The following DOCK3 variants were observed in gnomAD, a reference collection of about 807,000 sequenced individuals.
DOCK3 encodes the protein dedicator of cytokinesis 3, also known as dedicator of cytokinesis protein 3.
DOCK3 carries 60 observed loss-of-function variants against 265.6 expected under a neutral mutation model. The observed-to-expected ratio is 0.23, with a 90% confidence interval of 0.18 to 0.28. The LOEUF (loss-of-function observed/expected upper bound fraction) is 0.28. Among genes scored for constraint, DOCK3 ranks in the 10% least tolerant of loss-of-function variants. The pLI, the probability that DOCK3 is intolerant of heterozygous loss-of-function variation, is 1.00. For missense variants in DOCK3, 1,981 were observed against 2,594.3 expected, an observed-to-expected ratio of 0.76 and a Z score of 5.14; for synonymous variants, 881 against 938.0, an observed-to-expected ratio of 0.94 and a Z score of 1.11.
chr3:51,095,937 A>C (rs919668464), intron 9 of DOCK3, among the ~76,000 whole-genome samples: 3 of 134,592 alleles, frequency 2.2e-5, no homozygotes, highest in Non-Finnish European at 4.6e-5. Context: ...AATGTTGACT[A>C]TTGGCCCCCA....
chr3:51,213,000 T>C (rs1163728951), intron 13 of DOCK3, among the ~76,000 whole-genome samples: 1 of 152,110 alleles, frequency 6.6e-6, no homozygotes, highest in Non-Finnish European at 1.5e-5. Context: ...GCTACTGACA[T>C]ACTTTTCTTG....
chr3:50,980,913 T>A (rs1484329488), intron 5 of DOCK3, among the ~76,000 whole-genome samples: 1 of 152,164 alleles, frequency 6.6e-6, no homozygotes, highest in Admixed American at 6.5e-5. Flanking sequence ...CAGCTTTTTG[T>A]TTTGTTGATC....
chr3:51,229,544 T>C lies in DOCK3; in HGVS notation c.1852T>C (p.Phe618Leu). 6.2e-7 allele frequency: 1 copy of C among 1,607,918 alleles called. No homozygotes were observed. The highest frequency in any genetic ancestry group is 2.2e-5 in the East Asian group (1 of 44,580). Residue 618 changes from phenylalanine (F) to leucine (L), a missense_variant, in exon 19 of 53, where the codon TTC becomes CTC. By Grantham distance (22) the Phe-to-Leu change is conservative. Coordinates refer to ENST00000266037, the MANE Select transcript of DOCK3 (RefSeq NM_004947.5). ...CCTAGCTCTGCTGAAGTGGAAAGCC[T>C]TCCCCGACCGGATCATGGATGTACT... is the stretch of plus-strand genomic sequence containing the variant. The part of the protein sequence containing the change: ...DLLALLKWKA[F>L]PDRIMDVLGR...
At chr3:51,056,496 C>T (rs1472105956) in intron 5 of DOCK3, among the ~76,000 whole-genome samples, 1 of 152,198 alleles carries the variant, frequency 6.6e-6, no homozygotes, top group Non-Finnish European at 1.5e-5. Context: ...GATCCACCCA[C>T]CTCAGCTTCC....
chr3:51,089,252 A>G lies in DOCK3; in HGVS notation c.559A>G (p.Ser187Gly), dbSNP rs962612577. The G allele has an allele frequency of 4.4e-6, 7 of 1,609,068 alleles. No individual in the cohort carries two copies. Among genetic ancestry groups the G allele is most frequent in the Non-Finnish European group, 5.9e-6 (7 of 1,177,620 alleles). The change falls in exon 8 of 53, where the codon AGC (serine) becomes GGC (glycine). Residue 187 changes from serine (S) to glycine (G), a missense_variant. Coordinates refer to ENST00000266037, the MANE Select transcript of DOCK3 (RefSeq NM_004947.5). ...TTCCTTCTTTCCATAGCATTTATCT[A>G]GCCGGCAGAGTGTACAGCAAAGCAC... ...VSDLYKMHLS[S>G]RQSVQQSTSQ... is the part of the protein sequence containing the mutation.
chr3:51,208,915 C>T (rs958869935), intron 13 of DOCK3, 53 bp downstream of exon 13: 3 of 1,514,312 alleles, frequency 2.0e-6, no homozygotes, highest in Non-Finnish European at 2.7e-6. Flanking sequence ...AGTTGCTACT[C>T]ATACAGCACT....
At chr3:50,686,004 C>T (rs1268961158) in intron 1 of DOCK3, among the ~76,000 whole-genome samples, 1 of 152,052 alleles carries the variant, frequency 6.6e-6, no homozygotes, top group Non-Finnish European at 1.5e-5. Context: ...GTAGTTTTTC[C>T]ATGGACAGGA....
intron 22 of DOCK3, among the ~76,000 whole-genome samples, chr3:51,247,761 G>C (rs773269122): frequency 1.3e-5 from 2 of 152,180 alleles, no homozygotes; most frequent in African/African-American, 2.4e-5. Context: ...ATGCAACGAT[G>C]AATAAGACCA....
chr3:51,071,532 G>A (rs1338811302), intron 6 of DOCK3, among the ~76,000 whole-genome samples: 3 of 152,130 alleles, frequency 2.0e-5, no homozygotes, highest in Non-Finnish European at 4.4e-5. Flanking sequence ...ATTTTGGCTA[G>A]CAATGTAACA....
intron 3 of DOCK3, among the ~76,000 whole-genome samples, chr3:50,866,341 T>C (rs1183068916): frequency 6.6e-6 from 1 of 152,022 alleles, no homozygotes; most frequent in Non-Finnish European, 1.5e-5. Flanking sequence ...GAAAATTAGC[T>C]GGGCGTGGTG....
chr3:50,821,146 T>C (rs867771382), intron 2 of DOCK3, among the ~76,000 whole-genome samples: 5 of 120,548 alleles, frequency 4.1e-5, no homozygotes, highest in South Asian at 2.5e-4. Context: ...TTTTCTTTTT[T>C]TTTTTTTTTT....
chr3:51,144,407 T>C (rs1046868932), intron 9 of DOCK3, among the ~76,000 whole-genome samples: 1 of 152,242 alleles, frequency 6.6e-6, no homozygotes, highest in African/African-American at 2.4e-5. Context: ...TGGACCTTGT[T>C]GACCCCTCCC....
At chr3:51,172,923 TTTAG>T (rs2086757611) in intron 12 of DOCK3, among the ~76,000 whole-genome samples, 1 of 152,214 alleles carries the variant, frequency 6.6e-6, no homozygotes, top group Admixed American at 6.5e-5. Flanking sequence ...ACTCTACACT[TTTAG>T]TTACCCCACC....
intron 3 of DOCK3, among the ~76,000 whole-genome samples, chr3:50,851,252 G>A (rs528704081): frequency 1.6e-4 from 24 of 152,070 alleles, no homozygotes; most frequent in African/African-American, 5.1e-4. Context: ...GGGCCCCTTT[G>A]CACCAGGATT....
intron 12 of DOCK3, among the ~76,000 whole-genome samples, chr3:51,200,912 T>G (rs1363642560): frequency 6.6e-6 from 1 of 152,078 alleles, no homozygotes; most frequent in Admixed American, 6.6e-5. Flanking sequence ...AAATTTCATA[T>G]GCAGCCAAAC....
At chr3:51,244,539 C>T (rs2078741368) in intron 21 of DOCK3, among the ~76,000 whole-genome samples, 2 of 152,086 alleles carry the variant, frequency 1.3e-5, no homozygotes, top group Non-Finnish European at 2.9e-5. Context: ...TTGTGTCCTG[C>T]AACTTTACTG....
intron 5 of DOCK3, among the ~76,000 whole-genome samples, chr3:50,967,060 A>G (rs1262790942): frequency 6.6e-6 from 1 of 152,088 alleles, no homozygotes; most frequent in Non-Finnish European, 1.5e-5. Context: ...CATATCTTCT[A>G]GCTATTTTGA....
chr3:51,223,012 C>T (rs1460387624), intron 14 of DOCK3, among the ~76,000 whole-genome samples: 1 of 152,186 alleles, frequency 6.6e-6, no homozygotes, highest in Non-Finnish European at 1.5e-5. Flanking sequence ...GATCATAGCT[C>T]ACTGCAGCCT....
intron 1 of DOCK3, among the ~76,000 whole-genome samples, chr3:50,703,165 A>G (rs1430289601): frequency 2.0e-5 from 3 of 152,148 alleles, no homozygotes; most frequent in Non-Finnish European, 4.4e-5. Context: ...CATATGTTGA[A>G]CAATCCTTGC....
Sources: gnomAD v4.1 joint callset for allele counts (sites outside exome capture counted in the v4.1 genomes callset) on GRCh38, gnomAD v4.1.1 for gene constraint, MANE v1.5 for transcripts, NCBI Gene and HGNC (gene_info 2026-07-23, HGNC 2026-07-21) for gene names.